The following PARPBP variants were observed in gnomAD, a reference collection of about 807,000 sequenced individuals.
PARPBP encodes the protein PCNA-interacting partner.
PARPBP carries 52 observed loss-of-function variants against 50.0 expected under a neutral mutation model. The observed-to-expected ratio is 1.04, with a 90% CI of 0.83 to 1.31. The LOEUF is 1.31. Ranked by LOEUF, PARPBP falls within the 50% of genes most tolerant of loss-of-function variation. PARPBP has a pLI of 0.00. For missense variants in PARPBP, 697 were observed against 672.0 expected (o/e 1.04, Z -0.41); for synonymous variants, 244 against 232.1 (o/e 1.05, Z -0.47).
intron 2 of PARPBP, among the ~76,000 whole-genome samples, chr12:102,124,843 A>G (rs1473802519): frequency 2.6e-5 from 4 of 152,206 alleles, no homozygotes; most frequent in African/African-American, 9.7e-5. Context: ...TAGATTCCAT[A>G]GACAGTAAAA....
chr12:102,176,494 A>G (rs1039689046), intron 7 of PARPBP, among the ~76,000 whole-genome samples: 1 of 152,132 alleles, frequency 6.6e-6, no homozygotes, highest in African/African-American at 2.4e-5. Flanking sequence ...CAATTTTTAA[A>G]CTATATATTC....
intron 1 of PARPBP, chr12:102,120,592 G>T (rs1196089709): frequency 2.4e-6 from 1 of 425,336 alleles, no homozygotes; most frequent in Admixed American, 2.6e-5. Flanking sequence ...GTCCCACTAT[G>T]TACACGGACT....
intron 3 of PARPBP, chr12:102,148,835 GGT>G (rs1885791075): frequency 5.9e-6 from 1 of 170,684 alleles, no homozygotes; most frequent in Admixed American, 6.3e-5. Context: ...ATAAATGATT[GGT>G]GTGACTTTTT....
chr12:102,169,651 A>ACCTTT (rs1202790434), intron 6 of PARPBP, among the ~76,000 whole-genome samples: 36 of 151,928 alleles, frequency 2.4e-4, no homozygotes, highest in African/African-American at 8.7e-4. Context: ...GGACCTTTTC[A>ACCTTT]CGTGTCACTG....
At chr12:102,140,760 C>T (rs1216249961) in intron 2 of PARPBP, among the ~76,000 whole-genome samples, 2 of 152,196 alleles carry the variant, frequency 1.3e-5, no homozygotes, top group African/African-American at 2.4e-5. Context: ...CATTCAGGAG[C>T]AGGTTGTTCA....
rs1401465124 is a variant in PARPBP at position 102,165,711 on chromosome 12, GTTTGT to G, written c.667-14_667-10del. 6.3e-7 allele frequency: 1 copy of G among 1,581,984 alleles called. No individual in the cohort carries two copies. Among genetic ancestry groups the G allele is most frequent in the Non-Finnish European group, 8.6e-7 (1 of 1,160,468 alleles). On this transcript the variant is annotated splice_polypyrimidine_tract_variant and intron_variant, in intron 5 of 10. Transcript: ENST00000327680. Reference sequence around the variant, plus strand: ...ATAAATCACTGGACATAACTTATCCGTTTGTTTTAATTCATAGGTGGCCACGTCTT... The same window carrying G: ...ATAAATCACTGGACATAACTTATCCGTTTAATTCATAGGTGGCCACGTCTT...
At chr12:102,123,662 C>A (rs1399600704) in intron 1 of PARPBP, among the ~76,000 whole-genome samples, 1 of 151,950 alleles carries the variant, frequency 6.6e-6, no homozygotes, top group Non-Finnish European at 1.5e-5. Flanking sequence ...ACATTTTGTT[C>A]TTTCAGAAGG....
At chr12:102,146,462 A>G (rs1480587200) in intron 2 of PARPBP, among the ~76,000 whole-genome samples, 20 of 152,052 alleles carry the variant, frequency 1.3e-4, no homozygotes, top group African/African-American at 1.9e-4. Context: ...AACAAGCAAT[A>G]GGGAAAGGAT....
intron 4 of PARPBP, among the ~76,000 whole-genome samples, chr12:102,156,787 G>A (rs535146639): frequency 1.2e-4 from 18 of 152,046 alleles, no homozygotes; most frequent in South Asian, 2.1e-4. Context: ...GATTACAAGC[G>A]TGCACCACCA....
At chr12:102,176,604 T>C (rs969555990) in intron 7 of PARPBP, among the ~76,000 whole-genome samples, 1 of 152,218 alleles carries the variant, frequency 6.6e-6, no homozygotes, top group Admixed American at 6.5e-5. Context: ...TACTGTGTTT[T>C]TAGAACAGAA....
intron 4 of PARPBP, among the ~76,000 whole-genome samples, chr12:102,158,805 A>G (rs1366732873): frequency 6.6e-6 from 1 of 152,050 alleles, no homozygotes; most frequent in African/African-American, 2.4e-5. Flanking sequence ...TGTATTTTTA[A>G]AGAGGAATGA....
Position 102,164,489 on chromosome 12 carries a change from A to G in PARPBP, c.547A>G (p.Asn183Asp), listed in dbSNP as rs1356527122. Residue 183 changes from asparagine (N) to aspartate (D), a missense_variant, in exon 5 of 11, where the codon AAT becomes GAT. Transcript: ENST00000327680. ...CTTTTCATATTTAAATCTGCTAGTG[A>G]ATTCAAAGAATGACCTGGCTGTGGC... ...IIFSYLNLLV[N>D]SKNDLAVAYI... The G allele has an allele frequency of 1.2e-6, 2 of 1,612,850 alleles. No individual in the cohort carries two copies. Among genetic ancestry groups the G allele is most frequent in the Admixed American group, 3.3e-5 (2 of 60,008 alleles).
chr12:102,123,128 G>A (rs1881415660), intron 1 of PARPBP, among the ~76,000 whole-genome samples: 1 of 152,150 alleles, frequency 6.6e-6, no homozygotes, highest in Non-Finnish European at 1.5e-5. Flanking sequence ...AATGCCCAGG[G>A]TTTTTATTGG....
intron 9 of PARPBP, among the ~76,000 whole-genome samples, chr12:102,184,943 C>T (rs1890172076): frequency 6.6e-6 from 1 of 152,090 alleles, no homozygotes; most frequent in African/African-American, 2.4e-5. Context: ...AATATATGAT[C>T]TACACAGAAA....
chr12:102,142,967 C>T (rs534993398), intron 2 of PARPBP, among the ~76,000 whole-genome samples: 19 of 152,290 alleles, frequency 1.2e-4, no homozygotes, highest in Admixed American at 2.0e-4. Context: ...GCAGTCTGTC[C>T]GTTCTCAGAT....
intron 2 of PARPBP, among the ~76,000 whole-genome samples, chr12:102,143,224 C>T (rs1037025483): frequency 3.9e-5 from 6 of 152,124 alleles, no homozygotes; most frequent in Admixed American, 6.5e-5. Context: ...CCTTGCAGTT[C>T]GATCTCAGAC....
At chr12:102,144,402 C>G (rs1309913471) in intron 2 of PARPBP, among the ~76,000 whole-genome samples, 1 of 152,038 alleles carries the variant, frequency 6.6e-6, no homozygotes, top group African/African-American at 2.4e-5. Context: ...GCATGTTTTC[C>G]TAGCAAAATA....
At chr12:102,153,247 C>A (rs574537772) in intron 3 of PARPBP, among the ~76,000 whole-genome samples, 1 of 152,128 alleles carries the variant, frequency 6.6e-6, no homozygotes, top group African/African-American at 2.4e-5. Flanking sequence ...CCCCTCACTC[C>A]TTCTTCCAAA....
At chr12:102,123,538 A>G (rs1055711950) in intron 1 of PARPBP, among the ~76,000 whole-genome samples, 2 of 148,472 alleles carry the variant, frequency 1.3e-5, no homozygotes, top group Non-Finnish European at 3.0e-5. Flanking sequence ...CTTATTACCT[A>G]TCTCAAAACA....
Sources: gnomAD v4.1 joint callset for allele counts (sites outside exome capture counted in the v4.1 genomes callset) on GRCh38, gnomAD v4.1.1 for gene constraint, MANE v1.5 for transcripts, NCBI Gene and HGNC (gene_info 2026-07-23, HGNC 2026-07-21) for gene names.